The following MAP1S variants were observed in gnomAD, a reference collection of about 807,000 sequenced individuals.
MAP1S encodes the protein microtubule-associated protein 1S.
In MAP1S, 27 loss-of-function variants were observed where a neutral mutation model predicts 60.9. That is an observed-to-expected ratio of 0.44 (90% CI 0.33 to 0.61). The LOEUF (loss-of-function observed/expected upper bound fraction) is 0.61. Ranked by LOEUF, MAP1S falls within the 20% of genes least tolerant of loss-of-function variation. The probability of loss-of-function intolerance (pLI) is 0.03; values close to 1 mark genes in which losing one functional copy is unlikely to be tolerated. For synonymous variants in MAP1S, 826 were observed against 694.2 expected, an observed-to-expected ratio of 1.19 and a Z score of -2.98; for missense variants, 1,608 against 1,486.6, an observed-to-expected ratio of 1.08 and a Z score of -1.34.
intron 1 of MAP1S, 29 bp from the exon 2 acceptor site, chr19:17,720,907 C>G: frequency 6.4e-7 from 1 of 1,574,134 alleles, no homozygotes; most frequent in Non-Finnish European, 8.7e-7. Context: ...CCCGGCTGAA[C>G]TCCCGCCTTG....
At chr19:17,732,679 G>A (rs1021474541) in intron 5 of MAP1S, among the ~76,000 whole-genome samples, 6 of 152,208 alleles carry the variant, frequency 3.9e-5, no homozygotes, top group Non-Finnish European at 7.3e-5. Context: ...TGCCCCTTGA[G>A]CAAGTGAACC....
In MAP1S at chr19:17,726,421, C is replaced by T. The variant is rs1279815258; in HGVS notation, c.1037C>T (p.Ser346Leu). 3.2e-6 allele frequency: 5 copies of T among 1,566,298 alleles called. No individual in the cohort carries two copies. The highest frequency in any genetic ancestry group is 1.8e-5 in the Admixed American group (1 of 54,108). ...TTCTTCAACGCCTGCGAGGCCGCGTCGCGGCTGGCGCGCGGCGAGGATGAG... is the reference window on the plus strand; with the variant it reads ...TTCTTCAACGCCTGCGAGGCCGCGTTGCGGCTGGCGCGCGGCGAGGATGAG... ...VVFFNACEAA[S>L]RLARGEDEAE... The change falls in exon 5 of 7, where the codon TCG (serine) becomes TTG (leucine). Residue 346 changes from serine (S) to leucine (L), a missense_variant. By Grantham distance (145) the Ser-to-Leu change is moderately radical. Transcript: ENST00000324096.
intron 2 of MAP1S, 45 bp downstream of exon 2, chr19:17,721,082 G>C: frequency 6.6e-7 from 1 of 1,511,214 alleles, no homozygotes; most frequent in South Asian, 1.1e-5. Flanking sequence ...CTTGTTATTT[G>C]GGGAAGTGCC....
In MAP1S at chr19:17,727,573, C is replaced by G; in HGVS notation, c.2189C>G (p.Ala730Gly). 12 of 1,607,116 alleles carry G rather than the reference C, an allele frequency of 7.5e-6. No individual in the cohort carries two copies. Among genetic ancestry groups the G allele is most frequent in the Non-Finnish European group, 1.0e-5 (12 of 1,179,418 alleles). The change falls in exon 5 of 7, where the codon GCT becomes GGT. Residue 730 changes from alanine (A) to glycine (G), a missense_variant. Physicochemically the swap from Ala to Gly is moderately conservative, Grantham distance 60. Around this residue, in one of 4 missense-constraint regions of MAP1S, gnomAD observed 1,167 missense variants for 961.4 expected, o/e 1.21. Coordinates refer to ENST00000324096, the MANE Select transcript of MAP1S (RefSeq NM_018174.6). The surrounding 1 kb of genome is among the most constrained non-coding windows in gnomAD (Gnocchi z 4.1). Reference protein sequence around the residue: ...PLRGPRARRSASPHDVDLCLV... With the variant: ...PLRGPRARRSGSPHDVDLCLV... ...CGTGGCCCCCGGGCGCGGCGCTCGG[C>G]TTCCCCACACGATGTGGACCTGTGC...
At chr19:17,728,744 T>TG (rs1218962822) in intron 5 of MAP1S, 1 of 152,140 alleles carries the variant, frequency 6.6e-6, no homozygotes, top group Non-Finnish European at 1.5e-5. Flanking sequence ...TTAGTAGAGT[T>TG]GGGGTTTCAC....
intron 1 of MAP1S, chr19:17,720,556 G>T (rs1208605828): frequency 4.2e-6 from 6 of 1,444,680 alleles, no homozygotes; most frequent in Non-Finnish European, 5.4e-6. Context: ...ACCCGAAGGT[G>T]CTGAGGGGGA....
At position 17,727,254 on chromosome 19, in the gene MAP1S, C is replaced by G. The variant is rs2145976434; in HGVS notation, c.1870C>G (p.Leu624Val). 1 of 1,572,732 alleles carries G rather than the reference C, an allele frequency of 6.4e-7. No individual in the cohort carries two copies. The highest frequency in any genetic ancestry group is 2.3e-5 in the East Asian group (1 of 42,816). Residue 624 changes from leucine (L) to valine (V), a missense_variant, in exon 5 of 7, where the codon CTG (leucine) becomes GTG (valine). Physicochemically the swap from Leu to Val is conservative, Grantham distance 32 (BLOSUM62 1). This residue lies in a region of MAP1S where 1,167 missense variants were observed against 961.4 expected (regional missense o/e 1.21). Coordinates refer to ENST00000324096, the MANE Select transcript of MAP1S (RefSeq NM_018174.6). The surrounding 1 kb of genome is among the most constrained non-coding windows in gnomAD (Gnocchi z 4.1). ...GATCCCAGCCGGGGAGGAGAAGGCACTGGAGCTGCCTTTGGCCGCCAGCTC... is the reference window on the plus strand; with the variant it reads ...GATCCCAGCCGGGGAGGAGAAGGCAGTGGAGCTGCCTTTGGCCGCCAGCTC... ...GPIPAGEEKA[L>V]ELPLAASSIP...
rs899303728 is a variant in MAP1S at position 17,719,520 on chromosome 19, A to G, written c.18A>G (p.Gly6=). Residue 6 remains glycine, a synonymous_variant, in exon 1 of 7, where the codon GGA becomes GGG. Transcript: ENST00000324096. MAAVA[G]SGAAAAPSSL... is the part of the protein sequence containing the mutation. ...GCCCGAAGATGGCGGCGGTGGCTGGATCTGGGGCTGCCGCGGCTCCGAGCT... is the reference window on the plus strand; with the variant it reads ...GCCCGAAGATGGCGGCGGTGGCTGGGTCTGGGGCTGCCGCGGCTCCGAGCT... 4.3e-5 allele frequency: 53 copies of G among 1,245,158 alleles called. No individual in the cohort carries two copies. The highest frequency in any genetic ancestry group is 4.1e-4 in the South Asian group (10 of 24,334). 77.1% of individuals were successfully genotyped at this position (1,245,158 alleles called of 1,614,324 possible). A position where few individuals can be genotyped will look rare whatever the true frequency, so the allele number is the denominator to read the frequency against.
chr19:17,729,994 A>G (rs557683772), intron 5 of MAP1S, among the ~76,000 whole-genome samples: 3 of 152,032 alleles, frequency 2.0e-5, no homozygotes, highest in East Asian at 1.9e-4. Context: ...TTTCAGTAGC[A>G]CTGGGGTCTC....
Position 17,727,552 on chromosome 19 carries a change from GC to G in MAP1S, c.2173del (p.Arg725GlyfsTer285). 1 of 1,608,124 alleles carries G rather than the reference GC, an allele frequency of 6.2e-7. No homozygotes were observed. On this transcript the variant is annotated frameshift_variant, in exon 5 of 7. Coordinates refer to ENST00000324096, the MANE Select transcript of MAP1S (RefSeq NM_018174.6). LOFTEE classifies it high-confidence loss of function. The surrounding 1 kb of genome is among the most constrained non-coding windows in gnomAD (Gnocchi z 4.1). ...GCTGGGCTGAGCCTCCCGCTGCGTG[GC>G]CCCCGGGCGCGGCGCTCGGCTTCCC... is the stretch of plus-strand genomic sequence containing the variant. ...SEAGLSLPLR[G>X]PRARRSASPH...
chr19:17,726,149 C>T lies in MAP1S; in HGVS notation c.765C>T (p.Phe255=), dbSNP rs201058277. The T allele has an allele frequency of 6.2e-7, 1 of 1,613,926 alleles. No individual in the cohort carries two copies. The highest frequency in any genetic ancestry group is 2.2e-5 in the East Asian group (1 of 44,864). ...IFPGGLGDAA[F]FAVNGFTVLV... is the part of the protein sequence containing the mutation. ...CTGGAGGCCTCGGGGATGCCGCCTTCTTCGCCGTCAATGGCTTCACTGTGC... is the reference window on the plus strand; with the variant it reads ...CTGGAGGCCTCGGGGATGCCGCCTTTTTCGCCGTCAATGGCTTCACTGTGC... Residue 255 remains phenylalanine (F), a synonymous_variant, in exon 5 of 7, where the codon TTC becomes TTT. Coordinates refer to ENST00000324096, the MANE Select transcript of MAP1S (RefSeq NM_018174.6).
chr19:17,732,757 C>T (rs1032909216), intron 5 of MAP1S, among the ~76,000 whole-genome samples: 1 of 152,150 alleles, frequency 6.6e-6, no homozygotes, highest in Admixed American at 6.5e-5. Flanking sequence ...ACTCTTAAAC[C>T]CTCTTCCAGG....
At chr19:17,724,102 C>G in intron 2 of MAP1S, 24 bp from the exon 3 acceptor site, 1 of 1,601,968 alleles carries the variant, frequency 6.2e-7, no homozygotes, top group Non-Finnish European at 8.5e-7. Flanking sequence ...GATTTGACTC[C>G]GGGACGGCCT....
At chr19:17,734,129 G>GGT in intron 6 of MAP1S, 144 bp from the exon 7 acceptor site, 1 of 672,498 alleles carries the variant, frequency 1.5e-6, no homozygotes, top group East Asian at 2.8e-5. Flanking sequence ...CAGACCTCAA[G>GGT]GTGGAGCACA....
chr19:17,725,294 TC>T lies in MAP1S; in HGVS notation c.444+109del. On this transcript the variant is annotated intron_variant, in intron 4 of 6. Coordinates refer to ENST00000324096, the MANE Select transcript of MAP1S (RefSeq NM_018174.6). This position sits in a 1 kb window ranked among gnomAD's most constrained non-coding sequence, Gnocchi z 4.2. Reference sequence around the variant, plus strand: ...ACCTGCTGTTTTCCATGGCCTGGTCTCCCCATCCTCTGTAGGATGGCAGTGG... The same window carrying T: ...ACCTGCTGTTTTCCATGGCCTGGTCTCCCATCCTCTGTAGGATGGCAGTGG... 1 of 1,390,384 alleles carries T rather than the reference TC, an allele frequency of 7.2e-7. No homozygotes were observed. The highest frequency in any genetic ancestry group is 9.7e-7 in the Non-Finnish European group (1 of 1,027,192). The allele number at this position is 1,390,384 out of a possible 1,614,324, so 86.1% of individuals were successfully genotyped here.
rs754327278 is a variant in MAP1S, at chr19:17,727,403, C to T, written c.2019C>T (p.Thr673=). The T allele has an allele frequency of 7.5e-6, 12 of 1,597,224 alleles. No individual in the cohort carries two copies. In the African/African-American group the frequency reaches 1.2e-4, roughly 16 times the overall value. Residue 673 remains threonine (T), a synonymous_variant, in exon 5 of 7, where the codon ACC becomes ACT. Transcript: ENST00000324096. This position sits in a 1 kb window ranked among gnomAD's most constrained non-coding sequence, Gnocchi z 4.1. ...GGCCAGACGCCTCACCCACAGTGAC[C>T]ACACCCACGGTGACCACGCCCTCAC... ...EAGPDASPTV[T]TPTVTTPSLP...
chr19:17,719,651 C>T (rs1827055984), intron 1 of MAP1S, 31 bp downstream of exon 1: 1 of 1,178,778 alleles, frequency 8.5e-7, no homozygotes, highest in Non-Finnish European at 1.1e-6. Context: ...CGCGGGAGCC[C>T]GGGAGGCGGG....
At chr19:17,724,720 G>A (rs1330736167) in intron 3 of MAP1S, among the ~76,000 whole-genome samples, 1 of 152,192 alleles carries the variant, frequency 6.6e-6, no homozygotes, top group Non-Finnish European at 1.5e-5. Context: ...AAGAGACAGA[G>A]TGAGACACAG....
chr19:17,726,616 CTG>C lies in MAP1S; in HGVS notation c.1237_1238del (p.Cys413ArgfsTer80), dbSNP rs781259016. The C allele has an allele frequency of 1.3e-6, 2 of 1,571,160 alleles. No homozygotes were observed. Among genetic ancestry groups the C allele is most frequent in the Non-Finnish European group, 1.7e-6 (2 of 1,162,932 alleles). On this transcript the variant is annotated frameshift_variant, in exon 5 of 7. Coordinates refer to ENST00000324096, the MANE Select transcript of MAP1S (RefSeq NM_018174.6). LOFTEE classifies it high-confidence loss of function. ...GCCGGCGCCGAGCGCACGCTGGCCT[CTG>C]TGTGCGCCCTGCTGGTGTGGCACCC... is the stretch of plus-strand genomic sequence containing the variant.
Sources: gnomAD v4.1 joint callset for allele counts (sites outside exome capture counted in the v4.1 genomes callset) on GRCh38, gnomAD v4.1.1 for gene constraint, gnomAD v4.1.1 regional missense constraint, Gnocchi (gnomAD v3.1) non-coding constraint, MANE v1.5 for transcripts, NCBI Gene and HGNC (gene_info 2026-07-23, HGNC 2026-07-21) for gene names.